The following PLS3 variants were observed in gnomAD, a reference collection of about 807,000 sequenced individuals.
PLS3 encodes the protein plastin 3.
PLS3 carries 11 observed loss-of-function variants against 46.5 expected under a neutral mutation model. That is an observed-to-expected ratio of 0.24 (90% CI 0.15 to 0.39). PLS3 has a LOEUF of 0.39. PLS3 is among the 10% of genes least tolerant of loss of function. The pLI, the probability that PLS3 is intolerant of heterozygous loss-of-function variation, is 1.00. For missense variants in PLS3, 308 were observed against 461.8 expected, an observed-to-expected ratio of 0.67 and a Z score of 3.05; for synonymous variants, 167 against 162.2, an observed-to-expected ratio of 1.03 and a Z score of -0.22.
At chrX:115,636,246 G>T (rs1308805470) in intron 7 of PLS3, among the ~76,000 whole-genome samples, 1 of 82,696 alleles carries the variant, frequency 1.2e-5, no homozygotes, top group Non-Finnish European at 2.2e-5. Context: ...TCGCTCTGTT[G>T]CCCAGGCTGG....
At position 115,643,311 on chromosome X, in the gene PLS3, AG is replaced by A. The variant is rs1556641249; in HGVS notation, c.988del. 8.5e-7 allele frequency: 1 copy of A among 1,172,239 alleles called. No homozygotes were observed. Among genetic ancestry groups the A allele is most frequent in the Non-Finnish European group, 1.2e-6 (1 of 866,337 alleles). On this transcript the variant is annotated splice_acceptor_variant, in intron 9 of 15. Coordinates refer to ENST00000355899, the MANE Select transcript of PLS3 (RefSeq NM_005032.7). LOFTEE classifies it high-confidence loss of function. ...CAAAGTCTTCCGATTTTGTTTCAAC[AG>A]GAAACAGATGATTTGAAGAGAGCTG...
At chrX:115,642,435 A>T (rs1255543629) in intron 9 of PLS3, among the ~76,000 whole-genome samples, 3 of 111,409 alleles carry the variant, frequency 2.7e-5, no homozygotes. Context: ...TGAGCATGAC[A>T]TGAATGAAGG....
At chrX:115,565,307 T>A (rs2074165463) in intron 1 of PLS3, among the ~76,000 whole-genome samples, 1 of 111,614 alleles carries the variant, frequency 9.0e-6, no homozygotes, top group African/African-American at 3.2e-5. Context: ...TTAGTGAGTA[T>A]AAACTGTTTT....
intron 8 of PLS3, 132 bp downstream of exon 8, chrX:115,637,110 T>C: frequency 1.6e-6 from 1 of 607,073 alleles, no homozygotes; most frequent in Non-Finnish European, 2.5e-6. Flanking sequence ...AGGTAGATTT[T>C]AGAAGAGTAA....
At chrX:115,628,508 CAGAT>C (rs1156838654) in intron 3 of PLS3, among the ~76,000 whole-genome samples, 4 of 111,673 alleles carry the variant, frequency 3.6e-5, no homozygotes, top group African/African-American at 1.3e-4. Context: ...AAAATATAGA[CAGAT>C]AGAATGTCCA....
At chrX:115,637,731 A>C (rs1415539240) in intron 8 of PLS3, among the ~76,000 whole-genome samples, 1 of 111,615 alleles carries the variant, frequency 9.0e-6, no homozygotes, top group Non-Finnish European at 1.9e-5. Flanking sequence ...GTACACAGGG[A>C]ATAAACTTAA....
intron 7 of PLS3, among the ~76,000 whole-genome samples, chrX:115,635,929 G>A (rs2074829979): frequency 9.1e-6 from 1 of 109,343 alleles, no homozygotes; most frequent in Non-Finnish European, 1.9e-5. Flanking sequence ...GGCAGAGGTT[G>A]CAGCGAGCCG....
At position 115,590,996 on chromosome X, in the gene PLS3, G is replaced by A. The variant is rs181974365; in HGVS notation, c.-8-19247G>A. Among the ~76,000 whole-genome samples the A allele has an allele frequency of 4.6e-3, 511 of 110,073 alleles. 4 individuals carry two copies. The highest frequency in any genetic ancestry group is 5.5e-3 in the Non-Finnish European group (289 of 52,691). On this transcript the variant is annotated intron_variant, in intron 1 of 15. Coordinates refer to ENST00000355899, the MANE Select transcript of PLS3 (RefSeq NM_005032.7). ...TACTAAAAATACAAAAAAATTAGCC[G>A]GGCGTGGTGGCGGGTGCTTGTAGTC... is the stretch of plus-strand genomic sequence containing the variant.
intron 1 of PLS3, among the ~76,000 whole-genome samples, chrX:115,590,232 G>A (rs2074335998): frequency 1.8e-5 from 2 of 111,331 alleles, no homozygotes; most frequent in Admixed American, 1.9e-4. Context: ...GTTTCCGTCG[G>A]CTTTCCTTAG....
chrX:115,572,424 T>C (rs1308543316), intron 1 of PLS3, among the ~76,000 whole-genome samples: 3 of 111,396 alleles, frequency 2.7e-5, no homozygotes, highest in Non-Finnish European at 5.6e-5. Flanking sequence ...AAGCAGAGAT[T>C]TGTGTAAAAA....
At chrX:115,621,564 A>G (rs1556637581) in intron 2 of PLS3, among the ~76,000 whole-genome samples, 1 of 109,245 alleles carries the variant, frequency 9.2e-6, no homozygotes, top group South Asian at 3.9e-4. Flanking sequence ...TTTTTTTTCT[A>G]TTTTTAAAAG....
intron 1 of PLS3, chrX:115,562,420 C>T (rs914490613): frequency 1.7e-4 from 19 of 111,763 alleles, no homozygotes; most frequent in African/African-American, 6.2e-4. Context: ...TGCACGATAT[C>T]CCCAGTGGTG....
chrX:115,622,108 A>G, intron 2 of PLS3, 138 bp from the exon 3 acceptor site: 1 of 496,898 alleles, frequency 2.0e-6, no homozygotes, highest in East Asian at 3.9e-5. Context: ...TTCCCTTTCA[A>G]ACAACTTTAT....
At chrX:115,612,101 CAT>C (rs782471220) in intron 2 of PLS3, among the ~76,000 whole-genome samples, 2 of 111,335 alleles carry the variant, frequency 1.8e-5, no homozygotes, top group Non-Finnish European at 3.8e-5. Context: ...GTGTTGCACA[CAT>C]GTTAGGTTCT....
At chrX:115,566,892 T>A (rs1334669010) in intron 1 of PLS3, among the ~76,000 whole-genome samples, 1 of 109,872 alleles carries the variant, frequency 9.1e-6, no homozygotes, top group African/African-American at 3.3e-5. Flanking sequence ...TTGGTCAGGC[T>A]GGTCTAGAAT....
intron 10 of PLS3, among the ~76,000 whole-genome samples, 185 bp downstream of exon 10, chrX:115,643,693 G>A (rs1054782118): frequency 8.9e-5 from 10 of 111,964 alleles, no homozygotes; most frequent in African/African-American, 2.9e-4. Flanking sequence ...AGTCGAGGCC[G>A]GGCACGGTGG....
chrX:115,623,869 C>T (rs5987947), intron 3 of PLS3, among the ~76,000 whole-genome samples: 54,750 of 110,834 alleles, frequency 0.49, 10,571 homozygotes, highest in African/African-American at 0.74. Context: ...CTGTAGTAGT[C>T]CAAGAAGCAA....
At chrX:115,617,872 T>A (rs1556637022) in intron 2 of PLS3, among the ~76,000 whole-genome samples, 1 of 112,082 alleles carries the variant, frequency 8.9e-6, no homozygotes, top group Non-Finnish European at 1.9e-5. Flanking sequence ...GAGAGGTTAT[T>A]TCAGGGAGGA....
intron 5 of PLS3, among the ~76,000 whole-genome samples, chrX:115,632,625 G>A (rs898549117): frequency 9.0e-6 from 1 of 111,120 alleles, no homozygotes; most frequent in African/African-American, 3.3e-5. Context: ...TGAGGCACTC[G>A]GTAAACATTT....
Sources: allele counts gnomAD v4.1 joint callset (sites outside exome capture counted in the v4.1 genomes callset), GRCh38; gene constraint gnomAD v4.1.1; transcripts MANE v1.5; gene names NCBI Gene and HGNC (gene_info 2026-07-23, HGNC 2026-07-21).